SNX13: variants seen among roughly 807,000 people sequenced by gnomAD.
SNX13 encodes sorting nexin-13.
Under a neutral mutation model 133.6 loss-of-function variants are expected in SNX13, and 45 were observed. The ratio of observed to expected loss-of-function variants is 0.34; its 90% CI spans 0.27 to 0.43. SNX13 has a LOEUF of 0.43. Among genes scored for constraint, SNX13 ranks in the 20% least tolerant of loss-of-function variants. The pLI is 1.00. For synonymous variants in SNX13, 414 were observed against 373.9 expected (o/e 1.11, Z -1.24); for missense variants, 1,032 against 1,145.1 (o/e 0.90, Z 1.43).
At chr7:17,847,329 G>T (rs1030607136) in intron 11 of SNX13, among the ~76,000 whole-genome samples, 7 of 145,146 alleles carry the variant, frequency 4.8e-5, no homozygotes, top group Non-Finnish European at 7.4e-5. Flanking sequence ...GGGTTTTTTT[G>T]TTTGTTTGTT....
intron 8 of SNX13, among the ~76,000 whole-genome samples, chr7:17,869,042 A>G (rs146455193): frequency 2.4e-4 from 37 of 152,194 alleles, no homozygotes; most frequent in African/African-American, 7.5e-4. Flanking sequence ...TCGATTCAAC[A>G]TTCTCTAAAA....
In SNX13 at chr7:17,830,760, C is replaced by T. The variant is rs181515044; in HGVS notation, c.1598-713G>A. 3.7e-4 allele frequency: 365 copies of T among 980,024 alleles called. 5 individuals carry two copies. The African/African-American group carries it at 5.6e-3, about 15-fold the overall frequency. 60.7% of individuals were successfully genotyped at this position (980,024 alleles called of 1,614,324 possible). A position where few individuals can be genotyped will look rare whatever the true frequency, so the allele number is the denominator to read the frequency against. On this transcript the variant is annotated intron_variant, in intron 15 of 25. Coordinates refer to ENST00000428135, the MANE Select transcript of SNX13 (RefSeq NM_015132.5). ...AATTAAGTTACCAATTAAGGTGTTC[C>T]TTTATTAAACACACAAACAAATCTA...
chr7:17,838,541 A>G (rs929871026), intron 13 of SNX13, among the ~76,000 whole-genome samples: 15 of 151,638 alleles, frequency 9.9e-5, no homozygotes, highest in African/African-American at 3.6e-4. Context: ...TCATTTCTAG[A>G]TTTTTAAGTA....
intron 1 of SNX13, among the ~76,000 whole-genome samples, chr7:17,918,971 T>A (rs889918256): frequency 1.3e-5 from 2 of 152,180 alleles, no homozygotes; most frequent in Admixed American, 6.5e-5. Context: ...GCCATTGTCC[T>A]AAGCAAAATT....
intron 11 of SNX13, among the ~76,000 whole-genome samples, chr7:17,846,778 C>T (rs1562759307): frequency 6.6e-6 from 1 of 152,142 alleles, no homozygotes; most frequent in Non-Finnish European, 1.5e-5. Context: ...AGAGGCAGCA[C>T]ATGATTCCTA....
At chr7:17,839,690 G>C (rs1429981494) in intron 13 of SNX13, 117 bp downstream of exon 13, 3 of 756,900 alleles carry the variant, frequency 4.0e-6, no homozygotes, top group Non-Finnish European at 6.0e-6. Context: ...CAGGAAGATT[G>C]TTATCGATTA....
intron 13 of SNX13, among the ~76,000 whole-genome samples, chr7:17,835,082 G>A (rs926077811): frequency 8.6e-5 from 13 of 151,710 alleles, no homozygotes; most frequent in Admixed American, 4.0e-4. Flanking sequence ...AAACAAACAC[G>A]GATTTAAATC....
In SNX13 at chr7:17,838,567, T is replaced by C. The variant is rs181003505; in HGVS notation, c.1359+1240A>G. ...TTTTTAAGTAAAAAAAGATTGTTGA[T>C]TGTAGATCTTTTATCCTAGACATTT... On this transcript the variant is annotated intron_variant, in intron 13 of 25. Transcript: ENST00000428135. Among the ~76,000 whole-genome samples the C allele has an allele frequency of 5.7e-3, 858 of 151,808 alleles. 4 individuals are homozygous for C. The highest frequency in any genetic ancestry group is 0.017 in the South Asian group (81 of 4,818).
intron 1 of SNX13, among the ~76,000 whole-genome samples, chr7:17,903,486 A>G (rs1798064352): frequency 6.6e-6 from 1 of 152,206 alleles, no homozygotes. Flanking sequence ...GGACTAGCTG[A>G]ATTCAAATCT....
intron 9 of SNX13, among the ~76,000 whole-genome samples, chr7:17,855,655 A>C (rs1400072404): frequency 6.6e-6 from 1 of 152,254 alleles, no homozygotes; most frequent in African/African-American, 2.4e-5. Flanking sequence ...AAATATTTTA[A>C]GCACACTGTT....
intron 1 of SNX13, among the ~76,000 whole-genome samples, chr7:17,898,481 C>G (rs928928259): frequency 1.3e-5 from 2 of 152,158 alleles, no homozygotes; most frequent in Non-Finnish European, 2.9e-5. Flanking sequence ...TTGCTTCCTA[C>G]GTGCCAAGCA....
chr7:17,873,249 CTT>C (rs990310324), intron 8 of SNX13, among the ~76,000 whole-genome samples: 4 of 152,148 alleles, frequency 2.6e-5, no homozygotes, highest in Admixed American at 6.5e-5. Flanking sequence ...ACTTTTCACT[CTT>C]GTTCTTTCAT....
At position 17,817,746 on chromosome 7, in the gene SNX13, A is replaced by T. The variant is rs531610094; in HGVS notation, c.1846-1457T>A. On this transcript the variant is annotated intron_variant, in intron 18 of 25. Coordinates refer to ENST00000428135, the MANE Select transcript of SNX13 (RefSeq NM_015132.5). ...GTCCTCACTGAACATCACATGTGAA[A>T]AAAAAAATTTTCGAAGTAAATTTAC... Among the ~76,000 whole-genome samples, 8 of 152,300 alleles carry T rather than the reference A, an allele frequency of 5.3e-5. No individual in the cohort carries two copies. In the South Asian group the frequency reaches 1.4e-3, roughly 28 times the overall value.
chr7:17,890,069 T>C (rs917654241), intron 5 of SNX13: 2 of 214,594 alleles, frequency 9.3e-6, no homozygotes, highest in East Asian at 2.1e-4. Flanking sequence ...GAAGTAGCAA[T>C]AAGTGGGGTA....
At chr7:17,873,932 C>T (rs183280348) in intron 7 of SNX13, among the ~76,000 whole-genome samples, 353 of 152,232 alleles carry the variant, frequency 2.3e-3, no homozygotes, top group African/African-American at 6.5e-3. Flanking sequence ...TTCTACCACA[C>T]GTTAATTAGC....
intron 18 of SNX13, among the ~76,000 whole-genome samples, chr7:17,816,594 T>G (rs567194179): frequency 6.6e-6 from 1 of 151,996 alleles, no homozygotes; most frequent in Admixed American, 6.6e-5. Context: ...ACCCAGAAGG[T>G]AGAGGTTGTG....
chr7:17,826,056 G>A lies in SNX13; in HGVS notation c.1671C>T (p.Asp557=). 2 of 1,558,908 alleles carry A rather than the reference G, an allele frequency of 1.3e-6. No homozygotes were observed. Among genetic ancestry groups the A allele is most frequent in the Non-Finnish European group, 1.7e-6 (2 of 1,150,232 alleles). Residue 557 remains aspartate, a synonymous_variant, in exon 17 of 26, where the codon GAC becomes GAT. Coordinates refer to ENST00000428135, the MANE Select transcript of SNX13 (RefSeq NM_015132.5). ...LDDLSNVSSD[D]SVQLHAYISD... ...AAATGTAGGCATGAAGTTGTACTGAGTCATCAGAAGAAACATTTGAAAGGT... is the reference window on the plus strand; with the variant it reads ...AAATGTAGGCATGAAGTTGTACTGAATCATCAGAAGAAACATTTGAAAGGT...
chr7:17,817,833 C>T (rs1419103662), intron 18 of SNX13, among the ~76,000 whole-genome samples: 2 of 152,136 alleles, frequency 1.3e-5, no homozygotes, highest in Non-Finnish European at 2.9e-5. Context: ...AAACTACTGA[C>T]TCAATTTTAG....
chr7:17,899,923 G>A (rs1191950047), intron 1 of SNX13: 1 of 152,078 alleles, frequency 6.6e-6, no homozygotes, highest in Non-Finnish European at 1.5e-5. Context: ...TTTACAGTCT[G>A]GGCTTGTTTG....
Sources: allele counts gnomAD v4.1 joint callset (sites outside exome capture counted in the v4.1 genomes callset), GRCh38; gene constraint gnomAD v4.1.1; transcripts MANE v1.5; gene names NCBI Gene and HGNC (gene_info 2026-07-23, HGNC 2026-07-21).